CSMD2: variants seen among roughly 807,000 people sequenced by gnomAD.
CSMD2 encodes CUB and sushi domain-containing protein 2.
Under a neutral mutation model 398.5 loss-of-function variants are expected in CSMD2, and 130 were observed. The observed-to-expected ratio is 0.33, with a 90% CI of 0.28 to 0.38. CSMD2 has a LOEUF of 0.38. Among genes scored for constraint, CSMD2 ranks in the 10% least tolerant of loss-of-function variants. The pLI, the probability that CSMD2 is intolerant of heterozygous loss-of-function variation, is 1.00. For missense variants in CSMD2, 3,829 were observed against 4,764.9 expected (o/e 0.80, Z 5.78); for synonymous variants, 1,828 against 1,908.5 (o/e 0.96, Z 1.10).
At chr1:34,055,067 G>A (rs1363114422) in intron 2 of CSMD2, among the ~76,000 whole-genome samples, 1 of 152,108 alleles carries the variant, frequency 6.6e-6, no homozygotes, top group Non-Finnish European at 1.5e-5. Flanking sequence ...GGGTAGCTCT[G>A]CCTCCCCCTG....
At chr1:34,022,152 C>T (rs550410170) in intron 3 of CSMD2, among the ~76,000 whole-genome samples, 9 of 152,134 alleles carry the variant, frequency 5.9e-5, no homozygotes, top group Non-Finnish European at 1.0e-4. Flanking sequence ...TTATTGAGCA[C>T]CTACTATGTG....
At chr1:33,681,795 G>C (rs1644915661) in intron 25 of CSMD2, among the ~76,000 whole-genome samples, 1 of 152,086 alleles carries the variant, frequency 6.6e-6, no homozygotes. Context: ...ATGAAACCCT[G>C]TCTCTACTAA....
intron 25 of CSMD2, among the ~76,000 whole-genome samples, chr1:33,672,032 C>A (rs1013804272): frequency 1.3e-5 from 2 of 152,156 alleles, no homozygotes; most frequent in Non-Finnish European, 2.9e-5. Context: ...TAGGAACAGC[C>A]CCAGTCTACA....
chr1:33,797,087 A>G (rs1261971320), intron 10 of CSMD2, among the ~76,000 whole-genome samples: 1 of 152,246 alleles, frequency 6.6e-6, no homozygotes, highest in Non-Finnish European at 1.5e-5. Context: ...AGCTGAACAT[A>G]GACCCTTATC....
chr1:34,061,933 G>A (rs1161610081), intron 2 of CSMD2, among the ~76,000 whole-genome samples: 1 of 152,146 alleles, frequency 6.6e-6, no homozygotes, highest in Non-Finnish European at 1.5e-5. Flanking sequence ...TTCCAAATGA[G>A]GCAATGGTTG....
At chr1:33,627,917 G>A (rs1285217420) in intron 32 of CSMD2, among the ~76,000 whole-genome samples, 3 of 152,222 alleles carry the variant, frequency 2.0e-5, no homozygotes, top group Non-Finnish European at 2.9e-5. Flanking sequence ...CAGCCCTGAA[G>A]GCACACGGGC....
intron 6 of CSMD2, among the ~76,000 whole-genome samples, chr1:33,843,631 A>T (rs772126970): frequency 6.8e-6 from 1 of 148,064 alleles, no homozygotes; most frequent in Non-Finnish European, 1.5e-5. Flanking sequence ...GGACTGCTAG[A>T]GAGCAAGGGA....
chr1:33,599,952 T>C, intron 44 of CSMD2: 1 of 594,840 alleles, frequency 1.7e-6, no homozygotes, highest in Non-Finnish European at 3.0e-6. Context: ...CTGCAGCAGA[T>C]ACTGCGGAGG....
At chr1:33,693,121 G>C in intron 24 of CSMD2, 65 bp from the exon 25 acceptor site, 1 of 1,512,312 alleles carries the variant, frequency 6.6e-7, no homozygotes, top group Non-Finnish European at 8.8e-7. Context: ...TCACTCAGTG[G>C]CTCCTTTTGC....
Position 33,516,996 on chromosome 1 carries a change from T to A in CSMD2, c.*54-426A>T, listed in dbSNP as rs188188209. Among the ~76,000 whole-genome samples the A allele has an allele frequency of 9.6e-4, 146 of 152,164 alleles. 1 individual carries two copies. The highest frequency in any genetic ancestry group is 3.2e-3 in the African/African-American group (133 of 41,512). ...TTTTTGTAGTGACACAGTTGTGAAATCTCATTTTTGATACTTTTTTTTAAT... is the reference window on the plus strand; with the variant it reads ...TTTTTGTAGTGACACAGTTGTGAAAACTCATTTTTGATACTTTTTTTTAAT... On this transcript the variant is annotated intron_variant, in intron 70 of 70. Transcript: ENST00000373381.
At chr1:33,826,353 T>C (rs1371406479) in intron 6 of CSMD2, among the ~76,000 whole-genome samples, 1 of 152,148 alleles carries the variant, frequency 6.6e-6, no homozygotes, top group African/African-American at 2.4e-5. Flanking sequence ...GCTTTGGCCA[T>C]GGGAAATTTG....
intron 46 of CSMD2, among the ~76,000 whole-genome samples, chr1:33,585,938 T>C: frequency 6.6e-6 from 1 of 151,776 alleles, no homozygotes; most frequent in Non-Finnish European, 1.5e-5. Context: ...CCTCAGTTTA[T>C]AGAAGGGAAG....
At chr1:33,939,938 T>G (rs1340834310) in intron 3 of CSMD2, among the ~76,000 whole-genome samples, 1 of 152,232 alleles carries the variant, frequency 6.6e-6, no homozygotes, top group Non-Finnish European at 1.5e-5. Context: ...GGATACTTTT[T>G]CATCCTGTAA....
chr1:33,569,050 T>C (rs1659330070), intron 52 of CSMD2, among the ~76,000 whole-genome samples: 1 of 152,204 alleles, frequency 6.6e-6, no homozygotes, highest in Non-Finnish European at 1.5e-5. Context: ...CAGGAATGCG[T>C]CTGCAAATTT....
chr1:33,580,215 C>A (rs1005688557), intron 48 of CSMD2, among the ~76,000 whole-genome samples: 1 of 152,166 alleles, frequency 6.6e-6, no homozygotes, highest in African/African-American at 2.4e-5. Context: ...GACAGTAATC[C>A]CCATGACGAG....
In CSMD2 at chr1:33,559,445, A is replaced by G. The variant is rs1454306910; in HGVS notation, c.8409T>C (p.Pro2803=). 1.3e-6 allele frequency: 2 copies of G among 1,536,186 alleles called. No homozygotes were observed. Among genetic ancestry groups the G allele is most frequent in the Non-Finnish European group, 1.7e-6 (2 of 1,146,914 alleles). ...GGTTACCCTGAGTGAGGCCGTTGACAGGGTTGCCTGGGTGTCCACAGGTAA... is the reference window on the plus strand; with the variant it reads ...GGTTACCCTGAGTGAGGCCGTTGACGGGGTTGCCTGGGTGTCCACAGGTAA... The part of the protein sequence containing the change: ...VPITCGHPGN[P]VNGLTQGNQF... The change falls in exon 54 of 71, where the codon CCT becomes CCC. Residue 2803 remains proline (P), a synonymous_variant. Transcript: ENST00000373381. This position sits in a 1 kb window ranked among gnomAD's most constrained non-coding sequence, Gnocchi z 4.0.
chr1:33,845,788 C>T (rs1032791488), intron 6 of CSMD2, among the ~76,000 whole-genome samples: 5 of 152,212 alleles, frequency 3.3e-5, no homozygotes, highest in Non-Finnish European at 7.3e-5. Context: ...TTGAACGTAA[C>T]GCTTCTTCCT....
At chr1:33,866,993 A>C (rs1030107438) in intron 5 of CSMD2, among the ~76,000 whole-genome samples, 13 of 152,324 alleles carry the variant, frequency 8.5e-5, no homozygotes, top group Non-Finnish European at 1.8e-4. Flanking sequence ...GCTGTTCCAT[A>C]ATCCTTTCCT....
rs186153907 is a variant in CSMD2 at position 33,679,961 on chromosome 1, C to T, written c.4052+12969G>A. On this transcript the variant is annotated intron_variant, in intron 25 of 70. Coordinates refer to ENST00000373381, the MANE Select transcript of CSMD2 (RefSeq NM_001281956.2). ...TTTGAGATGGAGTCTTGCTCTGTCA[C>T]CCAGGCTGGAGTGCAGTGGCACAAT... Among the ~76,000 whole-genome samples, 586 of 150,432 alleles carry T rather than the reference C, an allele frequency of 3.9e-3. 2 individuals are homozygous for T. Among genetic ancestry groups the T allele is most frequent in the African/African-American group, 0.014 (560 of 40,934 alleles).
Sources: gnomAD v4.1 joint callset for allele counts (sites outside exome capture counted in the v4.1 genomes callset) on GRCh38, gnomAD v4.1.1 for gene constraint, Gnocchi (gnomAD v3.1) non-coding constraint, MANE v1.5 for transcripts, NCBI Gene and HGNC (gene_info 2026-07-23, HGNC 2026-07-21) for gene names.